The following SCHIP1 variants were observed in gnomAD, a reference collection of about 807,000 sequenced individuals.
The protein encoded by SCHIP1 is schwannomin interacting protein 1.
A neutral mutation model predicts 29.7 loss-of-function variants in SCHIP1; 8 were observed. The observed-to-expected ratio is 0.27, with a 90% CI of 0.16 to 0.49. The LOEUF is 0.49. SCHIP1 is among the 20% of genes least tolerant of loss of function. The pLI, the probability that SCHIP1 is intolerant of heterozygous loss-of-function variation, is 0.99. For synonymous variants in SCHIP1, 76 were observed against 94.9 expected (o/e 0.80, Z 1.16); for missense variants, 193 against 294.6 (o/e 0.66, Z 2.52).
the SCHIP1 span, chr3:159,274,136 G>A: frequency 2.0e-6 from 2 of 985,118 alleles, no homozygotes; most frequent in African/African-American, 1.7e-5. Flanking sequence ...GTTCTTTTTT[G>A]TAGTGCACCA....
chr3:159,504,527 A>G, the SCHIP1 span, among the ~76,000 whole-genome samples: 4 of 152,322 alleles, frequency 2.6e-5, no homozygotes, highest in South Asian at 8.3e-4. Context: ...AAGGCAGTTT[A>G]ACACACCAGC....
At chr3:159,619,989 G>A in the SCHIP1 span, among the ~76,000 whole-genome samples, 2 of 152,192 alleles carry the variant, frequency 1.3e-5, no homozygotes, top group Admixed American at 6.5e-5. Flanking sequence ...TAACAACAGT[G>A]TACCTAGGTG....
the SCHIP1 span, chr3:159,721,720 T>C: frequency 4.8e-6 from 2 of 416,422 alleles, no homozygotes; most frequent in Admixed American, 2.8e-5. Context: ...GCAGCATATA[T>C]TCACAGCCAT....
At chr3:159,641,247 A>G in the SCHIP1 span, among the ~76,000 whole-genome samples, 1 of 152,176 alleles carries the variant, frequency 6.6e-6, no homozygotes, top group Non-Finnish European at 1.5e-5. Flanking sequence ...GACAAAAATA[A>G]TTTTAAATTC....
chr3:159,847,792 A>G (rs1402064498), intron 1 of SCHIP1, among the ~76,000 whole-genome samples: 1 of 152,232 alleles, frequency 6.6e-6, no homozygotes, highest in Non-Finnish European at 1.5e-5. Context: ...TTAAAAATCT[A>G]TACAGCAAAG....
the SCHIP1 span, among the ~76,000 whole-genome samples, chr3:159,822,192 G>A: frequency 6.6e-6 from 1 of 152,182 alleles, no homozygotes; most frequent in Admixed American, 6.5e-5. Flanking sequence ...GCAAACAGCT[G>A]AATTTATCCA....
chr3:159,593,914 T>C, the SCHIP1 span, among the ~76,000 whole-genome samples: 1 of 152,254 alleles, frequency 6.6e-6, no homozygotes, highest in Non-Finnish European at 1.5e-5. Flanking sequence ...CTGGCTCAGC[T>C]AGGGAGATGT....
chr3:159,452,022 A>G, the SCHIP1 span, among the ~76,000 whole-genome samples: 43 of 152,158 alleles, frequency 2.8e-4, no homozygotes, highest in Non-Finnish European at 5.7e-4. Context: ...GTGTTTGAGA[A>G]AGTGAATCAT....
At chr3:159,747,549 A>T in the SCHIP1 span, among the ~76,000 whole-genome samples, 67 of 152,154 alleles carry the variant, frequency 4.4e-4, no homozygotes, top group Non-Finnish European at 4.0e-4. Flanking sequence ...AAGGTAATCA[A>T]CCTTACCCTA....
chr3:159,723,913 A>G, the SCHIP1 span, among the ~76,000 whole-genome samples: 1 of 152,224 alleles, frequency 6.6e-6, no homozygotes, highest in Admixed American at 6.5e-5. Context: ...TTCATTTTCC[A>G]TATTCATAAT....
At chr3:159,839,897 C>A in exon 1 of SCHIP1, 1 of 1,391,136 alleles carries the variant, frequency 7.2e-7, no homozygotes, top group East Asian at 2.7e-5. Context: ...GCTGATTGTG[C>A]GGGTGATGAG....
chr3:159,433,799 C>G, the SCHIP1 span, among the ~76,000 whole-genome samples: 2 of 151,936 alleles, frequency 1.3e-5, no homozygotes, highest in Non-Finnish European at 2.9e-5. Flanking sequence ...CAAAGGTTAG[C>G]TTTTTTATGA....
At chr3:159,309,276 A>G in the SCHIP1 span, 1 of 176,636 alleles carries the variant, frequency 5.7e-6, no homozygotes, top group African/African-American at 2.4e-5. Flanking sequence ...CGTATTTAAA[A>G]TATTAAGGTT....
chr3:159,392,422 T>C, the SCHIP1 span, among the ~76,000 whole-genome samples: 1 of 152,046 alleles, frequency 6.6e-6, no homozygotes, highest in Non-Finnish European at 1.5e-5. Flanking sequence ...TAACTCGTCA[T>C]CTAGCATTAG....
the SCHIP1 span, among the ~76,000 whole-genome samples, chr3:159,551,226 G>T: frequency 6.6e-6 from 1 of 152,098 alleles, no homozygotes; most frequent in Non-Finnish European, 1.5e-5. Context: ...TCTGAATTCA[G>T]GTCCCCAGAG....
chr3:159,532,817 A>G, the SCHIP1 span, among the ~76,000 whole-genome samples: 1 of 152,178 alleles, frequency 6.6e-6, no homozygotes, highest in East Asian at 1.9e-4. Context: ...GGCTCTGCTA[A>G]GCAGCTGCCA....
the SCHIP1 span, among the ~76,000 whole-genome samples, chr3:159,299,799 G>T: frequency 6.6e-6 from 1 of 152,214 alleles, no homozygotes; most frequent in African/African-American, 2.4e-5. Context: ...CTTCCCTGAC[G>T]TAGCCTTGTC....
chr3:159,290,744 A>G, the SCHIP1 span, among the ~76,000 whole-genome samples: 2 of 152,108 alleles, frequency 1.3e-5, no homozygotes, highest in Admixed American at 1.3e-4. Context: ...ACTTTACTCA[A>G]TAGTGATATT....
At chr3:159,315,229 C>T in the SCHIP1 span, among the ~76,000 whole-genome samples, 1 of 131,404 alleles carries the variant, frequency 7.6e-6, no homozygotes. Context: ...GATGGAGTCT[C>T]ACTGTGTCAC....
Sources: gnomAD v4.1 joint callset for allele counts (sites outside exome capture counted in the v4.1 genomes callset) on GRCh38, gnomAD v4.1.1 for gene constraint, MANE v1.5 for transcripts, NCBI Gene and HGNC (gene_info 2026-07-23, HGNC 2026-07-21) for gene names.